STARD13: variants seen among roughly 807,000 people sequenced by gnomAD.
STARD13 encodes stAR-related lipid transfer protein 13.
STARD13 carries 62 observed loss-of-function variants against 106.4 expected under a neutral mutation model. The observed-to-expected ratio is 0.58, with a 90% CI of 0.48 to 0.72. The LOEUF is 0.72. Ranked by LOEUF, STARD13 falls within the 30% of genes least tolerant of loss-of-function variation. The pLI is 0.00. For missense variants in STARD13, 1,387 were observed against 1,424.0 expected, an observed-to-expected ratio of 0.97 and a Z score of 0.42; for synonymous variants, 565 against 553.0, an observed-to-expected ratio of 1.02 and a Z score of -0.31.
chr13:33,198,140 C>A (rs1273494154), intron 1 of STARD13, among the ~76,000 whole-genome samples: 1 of 152,206 alleles, frequency 6.6e-6, no homozygotes, highest in African/African-American at 2.4e-5. Context: ...TGCACTCCGG[C>A]CTGGGCCACA....
the STARD13 span, among the ~76,000 whole-genome samples, chr13:33,529,687 T>G: frequency 6.6e-6 from 1 of 152,136 alleles, no homozygotes; most frequent in East Asian, 1.9e-4. Context: ...AAAAAGCAAG[T>G]AATTCTGCTT....
chr13:33,303,261 TC>T (rs1328972126), intron 1 of STARD13, among the ~76,000 whole-genome samples: 17 of 152,172 alleles, frequency 1.1e-4, no homozygotes, highest in Non-Finnish European at 1.9e-4. Flanking sequence ...ATGATAAACT[TC>T]TTGAAACCCA....
chr13:33,154,049 T>C (rs2764607), intron 3 of STARD13, among the ~76,000 whole-genome samples: 103,184 of 152,072 alleles, frequency 0.68, 35,213 homozygotes, highest in Non-Finnish European at 0.71. Context: ...TGTTGGAAAA[T>C]GCAGATTCTG....
the STARD13 span, among the ~76,000 whole-genome samples, chr13:33,357,990 G>A: frequency 2.0e-5 from 3 of 151,840 alleles, no homozygotes; most frequent in South Asian, 4.2e-4. Flanking sequence ...GGAGAGGCAC[G>A]AGCGGGAACC....
chr13:33,419,568 C>A, the STARD13 span, among the ~76,000 whole-genome samples: 1 of 152,172 alleles, frequency 6.6e-6, no homozygotes, highest in Non-Finnish European at 1.5e-5. Flanking sequence ...CCCAACCTAG[C>A]AAGGCAGGCC....
At chr13:33,440,136 G>A in the STARD13 span, among the ~76,000 whole-genome samples, 17 of 152,088 alleles carry the variant, frequency 1.1e-4, no homozygotes, top group Non-Finnish European at 1.8e-4. Context: ...AAAATTAGCC[G>A]AGCATGGTGG....
At chr13:33,450,954 C>T in the STARD13 span, among the ~76,000 whole-genome samples, 1 of 152,180 alleles carries the variant, frequency 6.6e-6, no homozygotes, top group African/African-American at 2.4e-5. Flanking sequence ...GCAATCATGT[C>T]TCACTGCAGT....
the STARD13 span, among the ~76,000 whole-genome samples, chr13:33,576,824 A>C: frequency 3.9e-5 from 6 of 152,226 alleles, no homozygotes; most frequent in Non-Finnish European, 8.8e-5. Flanking sequence ...CATAGTAACA[A>C]ACCTTAATAC....
At chr13:33,357,920 C>T in the STARD13 span, among the ~76,000 whole-genome samples, 1 of 152,214 alleles carries the variant, frequency 6.6e-6, no homozygotes, top group Non-Finnish European at 1.5e-5. Flanking sequence ...ACTGTGGGAG[C>T]CCCTTTCTGG....
intron 1 of STARD13, among the ~76,000 whole-genome samples, chr13:33,175,269 C>T (rs1188322517): frequency 7.2e-5 from 11 of 152,128 alleles, no homozygotes; most frequent in Non-Finnish European, 1.6e-4. Context: ...TGCATACATC[C>T]CCAGCTTTTT....
At chr13:33,425,744 A>T in the STARD13 span, among the ~76,000 whole-genome samples, 1 of 152,188 alleles carries the variant, frequency 6.6e-6, no homozygotes, top group Non-Finnish European at 1.5e-5. Flanking sequence ...TTTAATACAT[A>T]CTCAATTTTC....
chr13:33,448,834 C>T, the STARD13 span, among the ~76,000 whole-genome samples: 34 of 151,954 alleles, frequency 2.2e-4, no homozygotes, highest in African/African-American at 6.8e-4. Flanking sequence ...TGCATTTCCC[C>T]GATGATTAAA....
intron 1 of STARD13, among the ~76,000 whole-genome samples, chr13:33,227,272 T>C (rs909708073): frequency 3.9e-5 from 6 of 152,252 alleles, no homozygotes; most frequent in Non-Finnish European, 1.5e-5. Context: ...CTGGCAGTGA[T>C]GGACTCATCA....
intron 4 of STARD13, among the ~76,000 whole-genome samples, chr13:33,141,499 GC>G (rs1241952635): frequency 1.3e-5 from 2 of 152,184 alleles, no homozygotes; most frequent in Non-Finnish European, 2.9e-5. Context: ...GCAGCACATG[GC>G]AAGTCCTGTG....
intron 1 of STARD13, among the ~76,000 whole-genome samples, chr13:33,172,982 T>C (rs997718085): frequency 6.6e-6 from 1 of 152,070 alleles, no homozygotes. Flanking sequence ...AAGAGTGTGA[T>C]CGTCATGGGA....
chr13:33,332,656 CAGAGCAGCCCACACCACCTG>C (rs1478879244), intron 1 of STARD13, among the ~76,000 whole-genome samples: 9 of 152,184 alleles, frequency 5.9e-5, no homozygotes, highest in Non-Finnish European at 2.9e-5. Flanking sequence ...GATATTCTGT[CAGAGCAGCCCACACCACCTG>C]AGACACCTTT....
chr13:33,343,586 A>AAAAC (rs2077985035), intron 1 of STARD13, among the ~76,000 whole-genome samples: 4 of 95,216 alleles, frequency 4.2e-5, no homozygotes, highest in African/African-American at 1.9e-4. Context: ...TTAAAAAAAA[A>AAAAC]AAAAAAAAAA....
At chr13:33,524,687 A>G in the STARD13 span, among the ~76,000 whole-genome samples, 1 of 152,012 alleles carries the variant, frequency 6.6e-6, no homozygotes, top group Non-Finnish European at 1.5e-5. Flanking sequence ...ACAAAACCAG[A>G]GGTATTTTAT....
At chr13:33,354,775 A>G (rs2078109987), upstream of STARD13, among the ~76,000 whole-genome samples, 1 of 151,868 alleles carries the variant, frequency 6.6e-6, no homozygotes, top group Non-Finnish European at 1.5e-5. Context: ...AATTTTAAAT[A>G]TACATACTGA....
Sources: gnomAD v4.1 joint callset for allele counts (sites outside exome capture counted in the v4.1 genomes callset) on GRCh38, gnomAD v4.1.1 for gene constraint, MANE v1.5 for transcripts, NCBI Gene and HGNC (gene_info 2026-07-23, HGNC 2026-07-21) for gene names.